The following NRG4 variants were observed in gnomAD, a reference collection of about 807,000 sequenced individuals.
NRG4 encodes the protein pro-neuregulin-4, membrane-bound isoform.
NRG4 carries 10 observed loss-of-function variants against 15.0 expected under a neutral mutation model. That is an observed-to-expected ratio of 0.67 (90% CI 0.41 to 1.13). NRG4 has a LOEUF of 1.13. NRG4 is among the 50% of genes most tolerant of loss of function. NRG4 has a pLI of 0.00. For missense variants in NRG4, 139 were observed against 140.2 expected, an observed-to-expected ratio of 0.99 and a Z score of 0.04; for synonymous variants, 41 against 50.1, an observed-to-expected ratio of 0.82 and a Z score of 0.77.
chr15:75,946,259 CTG>C (rs1019375795), intron 5 of NRG4, among the ~76,000 whole-genome samples: 3 of 152,192 alleles, frequency 2.0e-5, no homozygotes, highest in African/African-American at 7.2e-5. Flanking sequence ...CTGTGGGTAA[CTG>C]AAATTGCTAA....
chr15:76,050,597 A>ATTTTT (rs35228253), intron 4 of NRG4, among the ~76,000 whole-genome samples: 8 of 108,956 alleles, frequency 7.3e-5, no homozygotes, highest in Non-Finnish European at 1.3e-4. Flanking sequence ...CGCTCGGCTA[A>ATTTTT]TTTTTTTTTT....
At chr15:76,004,166 G>A (rs1459457715) in intron 3 of NRG4, among the ~76,000 whole-genome samples, 1 of 152,122 alleles carries the variant, frequency 6.6e-6, no homozygotes, top group African/African-American at 2.4e-5. Flanking sequence ...AAGAAGCAGA[G>A]TTCTTATATG....
chr15:75,978,561 G>A (rs2033466028), intron 3 of NRG4, among the ~76,000 whole-genome samples: 2 of 152,126 alleles, frequency 1.3e-5, no homozygotes, highest in Non-Finnish European at 2.9e-5. Context: ...CATATACCCA[G>A]CAGCAGGATT....
chr15:76,019,638 C>T (rs1470071042), intron 5 of NRG4, among the ~76,000 whole-genome samples: 1 of 152,154 alleles, frequency 6.6e-6, no homozygotes, highest in Non-Finnish European at 1.5e-5. Flanking sequence ...GAGGCGACAC[C>T]CCACCCTGCT....
intron 5 of NRG4, 59 bp downstream of exon 5, chr15:75,955,873 C>T (rs2032209700): frequency 2.1e-6 from 2 of 954,808 alleles, no homozygotes; most frequent in Admixed American, 3.7e-5. Context: ...ATCCCTACAT[C>T]TAACAACAAC....
At position 76,052,569 on chromosome 15, in the gene NRG4, GA is replaced by G. The variant is rs553657969; in HGVS notation, c.-216+368del. ...ACTTTTTATGTTTTGTGTTCCCCAA[GA>G]AAAAAATGTTACATGTATTATCACA... On this transcript the variant is annotated intron_variant, in intron 3 of 8. Transcript: ENST00000563910. Among the ~76,000 whole-genome samples, 405 of 150,938 alleles carry G rather than the reference GA, an allele frequency of 2.7e-3. 25 individuals carry two copies. The highest frequency in any genetic ancestry group is 9.4e-3 in the African/African-American group (380 of 40,616).
Position 76,003,850 on chromosome 15 carries a change from C to T in NRG4, c.104+5350G>A, listed in dbSNP as rs1031109685. Among the ~76,000 whole-genome samples the T allele has an allele frequency of 3.9e-5, 6 of 152,116 alleles. No individual in the cohort carries two copies. The South Asian group carries it at 1.2e-3, about 31-fold the overall frequency. On this transcript the variant is annotated intron_variant, in intron 3 of 5. Coordinates refer to ENST00000394907, the MANE Select transcript of NRG4 (RefSeq NM_138573.4). The stretch of plus-strand genomic sequence containing the variant: ...ATCCAATATCCAACAAGCAGTCCTT[C>T]AAAACTAAGAGTTTTTAAGGCATTC...
intron 5 of NRG4, among the ~76,000 whole-genome samples, chr15:75,945,412 G>C (rs996097496): frequency 2.0e-5 from 3 of 151,782 alleles, no homozygotes; most frequent in African/African-American, 4.8e-5. Flanking sequence ...CACTATGCCC[G>C]GTTCATTTTT....
chr15:76,009,482 G>T (rs2034729257), intron 2 of NRG4, among the ~76,000 whole-genome samples, 189 bp from the exon 3 acceptor site: 2 of 152,090 alleles, frequency 1.3e-5, no homozygotes, highest in Non-Finnish European at 2.9e-5. Context: ...GTCTTTGAGA[G>T]AAAAATTATG....
chr15:75,999,177 C>G (rs890136150), intron 3 of NRG4, among the ~76,000 whole-genome samples: 1 of 152,198 alleles, frequency 6.6e-6, no homozygotes, highest in Non-Finnish European at 1.5e-5. Context: ...TGAGTACTTA[C>G]TATGTTTCAG....
intron 5 of NRG4, among the ~76,000 whole-genome samples, chr15:76,021,368 T>A (rs1024470066): frequency 3.9e-5 from 6 of 152,252 alleles, no homozygotes; most frequent in Non-Finnish European, 7.3e-5. Flanking sequence ...TATACATTAT[T>A]TTTTAGACAT....
At position 75,944,872 on chromosome 15, in the gene NRG4, A is replaced by G. The variant is rs16967696; in HGVS notation, c.332-1218T>C. 0.013 allele frequency among the ~76,000 whole-genome samples: 2,020 copies of G among 152,272 alleles called. 74 individuals carry two copies. The East Asian group carries it at 0.15, about 11-fold the overall frequency. ...TGAACTAATTTTGTCAGCTGAGCCT[A>G]ATACCTTACCCCTGTTTTTAACCTT... On this transcript the variant is annotated intron_variant, in intron 5 of 5. Transcript: ENST00000394907.
chr15:75,948,738 A>C (rs11631592), intron 5 of NRG4, among the ~76,000 whole-genome samples: 149,507 of 152,306 alleles, frequency 0.98, 73,434 homozygotes, highest in East Asian at 1. Flanking sequence ...CTACAACTTA[A>C]AAAATTTACT....
intron 4 of NRG4, among the ~76,000 whole-genome samples, chr15:76,040,545 A>C (rs1055114912): frequency 6.6e-6 from 1 of 152,234 alleles, no homozygotes; most frequent in Admixed American, 6.5e-5. Flanking sequence ...CAGAAAACAG[A>C]GACTTTTATA....
intron 3 of NRG4, among the ~76,000 whole-genome samples, chr15:75,979,231 ATTC>A (rs1443572364): frequency 3.9e-5 from 6 of 152,140 alleles, no homozygotes; most frequent in Non-Finnish European, 7.4e-5. Flanking sequence ...CCCCCTATGC[ATTC>A]TTCTAATAGT....
intron 3 of NRG4, among the ~76,000 whole-genome samples, chr15:75,990,603 A>G (rs1238233698): frequency 6.6e-6 from 1 of 150,964 alleles, no homozygotes; most frequent in East Asian, 1.9e-4. Flanking sequence ...AATTCTTCTG[A>G]TATCTGTAGG....
chr15:76,044,384 G>C (rs1447856499), intron 4 of NRG4, among the ~76,000 whole-genome samples: 1 of 150,520 alleles, frequency 6.6e-6, no homozygotes, highest in African/African-American at 2.5e-5. Context: ...TGGGAAAACT[G>C]GATATCCATA....
intron 3 of NRG4, among the ~76,000 whole-genome samples, chr15:75,989,889 T>C (rs915106069): frequency 1.3e-5 from 2 of 152,228 alleles, no homozygotes; most frequent in African/African-American, 4.8e-5. Context: ...AGCATTGAAC[T>C]TTGCTTTGGG....
At chr15:75,940,573 C>T (rs536221187), downstream of NRG4, 37 of 151,924 alleles carry the variant, frequency 2.4e-4, no homozygotes, top group African/African-American at 8.9e-4. Context: ...GGACTTAAAC[C>T]TGCAGAGTTT....
Sources: allele counts gnomAD v4.1 joint callset (sites outside exome capture counted in the v4.1 genomes callset), GRCh38; gene constraint gnomAD v4.1.1; transcripts MANE v1.5; gene names NCBI Gene and HGNC (gene_info 2026-07-23, HGNC 2026-07-21).